The following SULT1E1 variants were observed in gnomAD, a reference collection of about 807,000 sequenced individuals.
SULT1E1 encodes the protein sulfotransferase family 1E member 1, also known as sulfotransferase 1E1.
SULT1E1 carries 36 observed loss-of-function variants against 33.6 expected under a neutral mutation model. The ratio of observed to expected loss-of-function variants is 1.07; its 90% confidence interval spans 0.82 to 1.41. The LOEUF (loss-of-function observed/expected upper bound fraction) is 1.41, where lower values mean the gene tolerates loss of function less well. Among genes scored for constraint, SULT1E1 ranks in the 40% most tolerant of loss-of-function variants. The pLI, the probability that SULT1E1 is intolerant of heterozygous loss-of-function variation, is 0.00. For synonymous variants in SULT1E1, 121 were observed against 111.7 expected, an observed-to-expected ratio of 1.08 and a Z score of -0.53; for missense variants, 371 against 345.7, an observed-to-expected ratio of 1.07 and a Z score of -0.58.
At chr4:69,846,065 T>A (rs909523892) in intron 6 of SULT1E1, among the ~76,000 whole-genome samples, 2 of 150,560 alleles carry the variant, frequency 1.3e-5, no homozygotes, top group African/African-American at 4.8e-5. Flanking sequence ...GCTTTTTTGG[T>A]GATAGTAAAG....
the SULT1E1 span, among the ~76,000 whole-genome samples, chr4:69,832,919 T>C: frequency 5.3e-5 from 8 of 152,094 alleles, no homozygotes; most frequent in Admixed American, 1.3e-4. Context: ...TCTCCTCACA[T>C]CTCTATATTG....
intron 4 of SULT1E1, among the ~76,000 whole-genome samples, chr4:69,852,063 T>C (rs1246338841): frequency 6.6e-6 from 1 of 152,120 alleles, no homozygotes; most frequent in Non-Finnish European, 1.5e-5. Flanking sequence ...ACATGGCACA[T>C]GTATACATAT....
the SULT1E1 span, among the ~76,000 whole-genome samples, chr4:69,825,605 C>T: frequency 3.9e-5 from 6 of 152,172 alleles, no homozygotes; most frequent in South Asian, 2.1e-4. Context: ...CCCCGACTCT[C>T]GGAGTTGGGA....
chr4:69,847,990 A>G (rs1340533777), intron 5 of SULT1E1, among the ~76,000 whole-genome samples, 198 bp from the exon 6 acceptor site: 5 of 151,914 alleles, frequency 3.3e-5, no homozygotes, highest in Admixed American at 2.6e-4. Flanking sequence ...ATGTAAAAAT[A>G]GTATGAACTT....
chr4:69,845,707 C>T (rs1720963498), intron 6 of SULT1E1, among the ~76,000 whole-genome samples: 2 of 151,450 alleles, frequency 1.3e-5, no homozygotes, highest in East Asian at 1.9e-4. Context: ...CTAAACATGG[C>T]TATTATTGAC....
chr4:69,851,913 G>A (rs1227509407), intron 4 of SULT1E1, among the ~76,000 whole-genome samples: 7 of 152,084 alleles, frequency 4.6e-5, no homozygotes, highest in Non-Finnish European at 1.0e-4. Flanking sequence ...TCATAGGTGG[G>A]AAGTGAACAA....
At chr4:69,830,064 C>T in the SULT1E1 span, among the ~76,000 whole-genome samples, 1 of 152,196 alleles carries the variant, frequency 6.6e-6, no homozygotes, top group South Asian at 2.1e-4. Flanking sequence ...GGACACTTGT[C>T]CTTCCAGTGT....
intron 4 of SULT1E1, among the ~76,000 whole-genome samples, chr4:69,850,956 T>C (rs1210220510): frequency 1.3e-5 from 2 of 152,154 alleles, no homozygotes; most frequent in Non-Finnish European, 2.9e-5. Flanking sequence ...CCTGAAGATA[T>C]GACTTGCACT....
At chr4:69,845,005 G>A (rs1034654848) in intron 6 of SULT1E1, among the ~76,000 whole-genome samples, 4 of 151,900 alleles carry the variant, frequency 2.6e-5, no homozygotes, top group Admixed American at 6.6e-5. Context: ...TTGCCTTTTC[G>A]ATTTCAGCTT....
intron 1 of SULT1E1, among the ~76,000 whole-genome samples, chr4:69,859,121 A>T (rs1344235477): frequency 1.3e-5 from 2 of 152,112 alleles, no homozygotes; most frequent in African/African-American, 4.8e-5. Context: ...AGAAATTGTC[A>T]ATTTTTTATT....
Position 69,841,855 on chromosome 4 carries a change from AAAGTTAAAC to A in SULT1E1, c.*130_*138del. On this transcript the variant is annotated 3_prime_UTR_variant, in exon 8 of 8. Coordinates refer to ENST00000226444, the MANE Select transcript of SULT1E1 (RefSeq NM_005420.3). ...GACTCTGTCTCAAAAAAAAAAAAAAAAAGTTAAACAAAAATTTAAAAAGAAAATGTCAAC... is the reference window on the plus strand; with the variant it reads ...GACTCTGTCTCAAAAAAAAAAAAAAAAAAAATTTAAAAAGAAAATGTCAAC... 1 of 548,246 alleles carries A rather than the reference AAAGTTAAAC, an allele frequency of 1.8e-6. No homozygotes were observed. Among genetic ancestry groups the A allele is most frequent in the Non-Finnish European group, 3.1e-6 (1 of 323,592 alleles). The allele number at this position is 548,246 out of a possible 1,614,324, so 34.0% of individuals were successfully genotyped here. A position where few individuals can be genotyped will look rare whatever the true frequency, so the allele number is the denominator to read the frequency against.
In SULT1E1 at chr4:69,844,172, A is replaced by G; in HGVS notation, c.761T>C (p.Phe254Ser). The G allele has an allele frequency of 6.2e-7, 1 of 1,613,942 alleles. No homozygotes were observed. The highest frequency in any genetic ancestry group is 8.5e-7 in the Non-Finnish European group (1 of 1,179,900). The change falls in exon 7 of 8, where the codon TTC (phenylalanine) becomes TCC (serine). Residue 254 changes from phenylalanine (F) to serine (S), a missense_variant. Transcript: ENST00000226444. The part of the protein sequence containing the change: ...DEIMNQKLSP[F>S]MRKGITGDWK... The stretch of plus-strand genomic sequence containing the variant: ...CACATTTTTCTCACCCTTTCTCATG[A>G]AGGGCGACAATTTCTGGTTCATAAT...
chr4:69,829,035 C>G, the SULT1E1 span, among the ~76,000 whole-genome samples: 1 of 152,190 alleles, frequency 6.6e-6, no homozygotes, highest in Non-Finnish European at 1.5e-5. Flanking sequence ...ATTGACCCCA[C>G]TGGAAAGCAA....
intron 5 of SULT1E1, among the ~76,000 whole-genome samples, chr4:69,848,695 G>A (rs1457057655): frequency 1.3e-5 from 2 of 151,948 alleles, no homozygotes; most frequent in East Asian, 1.9e-4. Flanking sequence ...CAAACACAAA[G>A]CACATATACC....
Position 69,842,113 on chromosome 4 carries a change from CA to C in SULT1E1, c.773-8del. On this transcript the variant is annotated splice_polypyrimidine_tract_variant and splice_region_variant and intron_variant, in intron 7 of 7. Coordinates refer to ENST00000226444, the MANE Select transcript of SULT1E1 (RefSeq NM_005420.3). ...TTCCAGTCTCCTGTAATTCCTGTAACAAAAAAGAAAGCTCAATAAATATTAA... is the reference window on the plus strand; with the variant it reads ...TTCCAGTCTCCTGTAATTCCTGTAACAAAAAGAAAGCTCAATAAATATTAA... 1 of 1,510,788 alleles carries C rather than the reference CA, an allele frequency of 6.6e-7. No homozygotes were observed. The allele number at this position is 1,510,788 out of a possible 1,614,324, so 93.6% of individuals were successfully genotyped here.
chr4:69,857,227 T>C (rs148618239), intron 2 of SULT1E1, among the ~76,000 whole-genome samples: 1 of 152,192 alleles, frequency 6.6e-6, no homozygotes, highest in Admixed American at 6.5e-5. Flanking sequence ...TTGGTAGTTT[T>C]AAATTTTCAT....
chr4:69,822,167 C>T, the SULT1E1 span, among the ~76,000 whole-genome samples: 1 of 152,180 alleles, frequency 6.6e-6, no homozygotes, highest in Non-Finnish European at 1.5e-5. Flanking sequence ...ATTCCCTCAA[C>T]AATTCTGTTG....
chr4:69,847,782 A>C lies in SULT1E1; in HGVS notation c.507T>G (p.Gly169=). 6.2e-7 allele frequency: 1 copy of C among 1,606,380 alleles called. No individual in the cohort carries two copies. The highest frequency in any genetic ancestry group is 8.5e-7 in the Non-Finnish European group (1 of 1,174,288). Residue 169 remains glycine, a synonymous_variant, in exon 6 of 8, where the codon GGT becomes GGG. Coordinates refer to ENST00000226444, the MANE Select transcript of SULT1E1 (RefSeq NM_005420.3). ...AAGATTTTACATGTTTATACCAGGA[A>C]CCATAAGGAACTAAAATTAGAGAGA... ...EKFMQGQVPY[G]SWYKHVKSWW... is the part of the protein sequence containing the mutation.
intron 2 of SULT1E1, among the ~76,000 whole-genome samples, chr4:69,856,210 G>A (rs1052781325): frequency 1.3e-5 from 2 of 152,178 alleles, no homozygotes; most frequent in Non-Finnish European, 2.9e-5. Context: ...ACTATAAGAC[G>A]TAAATCAAAG....
Sources: gnomAD v4.1 joint callset for allele counts (sites outside exome capture counted in the v4.1 genomes callset) on GRCh38, gnomAD v4.1.1 for gene constraint, MANE v1.5 for transcripts, NCBI Gene and HGNC (gene_info 2026-07-23, HGNC 2026-07-21) for gene names.